PAK5: variants seen among roughly 807,000 people sequenced by gnomAD.
PAK5 encodes p21 (RAC1) activated kinase 5.
A neutral mutation model predicts 65.9 loss-of-function variants in PAK5; 16 were observed. The observed-to-expected ratio is 0.24, with a 90% CI of 0.16 to 0.37. The LOEUF (loss-of-function observed/expected upper bound fraction) is 0.37, where lower values mean the gene tolerates loss of function less well. Among genes scored for constraint, PAK5 ranks in the 10% least tolerant of loss-of-function variants. PAK5 has a pLI of 1.00. For missense variants in PAK5, 785 were observed against 903.9 expected (o/e 0.87, Z 1.69); for synonymous variants, 371 against 354.9 (o/e 1.05, Z -0.51).
chr20:9,584,436 C>T (rs752818861), intron 3 of PAK5, among the ~76,000 whole-genome samples: 1 of 152,212 alleles, frequency 6.6e-6, no homozygotes, highest in Non-Finnish European at 1.5e-5. Context: ...CCTCAGCCTC[C>T]CCAGTAGCTG....
chr20:9,611,912 C>T (rs6056753), intron 3 of PAK5, among the ~76,000 whole-genome samples: 97,115 of 151,982 alleles, frequency 0.64, 32,959 homozygotes, highest in African/African-American at 0.88. Flanking sequence ...TTCCTTCATG[C>T]AATTACTAGT....
intron 1 of PAK5, among the ~76,000 whole-genome samples, chr20:9,732,845 G>C (rs2123558630): frequency 1.3e-5 from 2 of 152,296 alleles, no homozygotes; most frequent in South Asian, 4.1e-4. Flanking sequence ...TCTAAGATTT[G>C]TAATTCTCCC....
chr20:9,800,552 G>A (rs1316783050), intron 1 of PAK5, among the ~76,000 whole-genome samples: 2 of 152,042 alleles, frequency 1.3e-5, no homozygotes, highest in Non-Finnish European at 2.9e-5. Flanking sequence ...AATATTACCA[G>A]TAAGTAGAAA....
chr20:9,735,372 G>A (rs2048377253), intron 1 of PAK5, among the ~76,000 whole-genome samples: 1 of 152,158 alleles, frequency 6.6e-6, no homozygotes, highest in Non-Finnish European at 1.5e-5. Context: ...GTATTCGACT[G>A]AGTAGTGATC....
At chr20:9,811,211 T>C (rs1204453006) in intron 1 of PAK5, among the ~76,000 whole-genome samples, 1 of 152,138 alleles carries the variant, frequency 6.6e-6, no homozygotes, top group East Asian at 1.9e-4. Context: ...CCCCAAAATA[T>C]GATCAAATTT....
At chr20:9,691,044 G>A (rs933360380) in intron 2 of PAK5, among the ~76,000 whole-genome samples, 1 of 151,934 alleles carries the variant, frequency 6.6e-6, no homozygotes, top group Non-Finnish European at 1.5e-5. Context: ...TGTGAGCCAT[G>A]GTACCCAGCC....
chr20:9,601,529 G>T (rs932793748), intron 3 of PAK5, among the ~76,000 whole-genome samples: 1 of 152,242 alleles, frequency 6.6e-6, no homozygotes, highest in East Asian at 1.9e-4. Flanking sequence ...CATTGACTGA[G>T]GTTCCATAGC....
In PAK5 at chr20:9,827,076, A is replaced by G. The variant is rs983200848; in HGVS notation, c.-162+11686T>C. Among the ~76,000 whole-genome samples, 10 of 152,170 alleles carry G rather than the reference A, an allele frequency of 6.6e-5. 1 individual carries two copies. The highest frequency in any genetic ancestry group is 6.5e-4 in the Admixed American group (10 of 15,276). On this transcript the variant is annotated intron_variant, in intron 1 of 9. Transcript: ENST00000353224. Reference sequence around the variant, plus strand: ...TTTCTTTCTCCAACCAGAAACAGGTAGAGGGTTTAATCTTTCTCTCTACCT... The same window carrying G: ...TTTCTTTCTCCAACCAGAAACAGGTGGAGGGTTTAATCTTTCTCTCTACCT...
intron 1 of PAK5, among the ~76,000 whole-genome samples, chr20:9,724,859 A>T (rs1169244560): frequency 6.6e-6 from 1 of 152,118 alleles, no homozygotes; most frequent in Non-Finnish European, 1.5e-5. Flanking sequence ...TTATAGTAAA[A>T]AAAAATTTTA....
chr20:9,578,415 T>C (rs563300049), intron 4 of PAK5, among the ~76,000 whole-genome samples: 1 of 152,318 alleles, frequency 6.6e-6, no homozygotes, highest in African/African-American at 2.4e-5. Context: ...ATTTGGACTA[T>C]AGACATGTGT....
rs375434466 is a variant in PAK5, at chr20:9,565,873, G to A, written c.1482+20C>T. The A allele has an allele frequency of 1.8e-5, 28 of 1,588,672 alleles. No individual in the cohort carries two copies. The highest frequency in any genetic ancestry group is 4.1e-5 in the African/African-American group (3 of 73,938). ...AAATGTTACAAAGGAGAGAAAGGAT[G>A]ACCCAAACACACTCTTTACCTCATT... On this transcript the variant is annotated intron_variant, in intron 5 of 9. Transcript: ENST00000353224.
chr20:9,564,969 A>C (rs1056408873), intron 5 of PAK5, among the ~76,000 whole-genome samples: 1 of 151,672 alleles, frequency 6.6e-6, no homozygotes, highest in Non-Finnish European at 1.5e-5. Context: ...ACATTAGGTG[A>C]AATTTAGAAA....
chr20:9,637,822 T>C (rs147739644), intron 3 of PAK5, among the ~76,000 whole-genome samples: 37 of 152,278 alleles, frequency 2.4e-4, no homozygotes, highest in African/African-American at 8.7e-4. Context: ...ATGAAGCAAA[T>C]ATTAAGATAT....
intron 1 of PAK5, among the ~76,000 whole-genome samples, chr20:9,808,165 G>T (rs2049255724): frequency 6.6e-6 from 1 of 152,088 alleles, no homozygotes; most frequent in Admixed American, 6.6e-5. Flanking sequence ...GAAACACAAT[G>T]ATAAGCAAAG....
intron 1 of PAK5, among the ~76,000 whole-genome samples, chr20:9,816,361 G>A (rs1487188189): frequency 1.4e-4 from 21 of 152,146 alleles, no homozygotes; most frequent in Admixed American, 1.2e-3. Context: ...ATCATGTGTC[G>A]ACTTGACTGG....
chr20:9,738,325 C>T (rs1165720224), intron 1 of PAK5, among the ~76,000 whole-genome samples: 1 of 151,880 alleles, frequency 6.6e-6, no homozygotes, highest in Non-Finnish European at 1.5e-5. Flanking sequence ...GTATTTACAC[C>T]AGAGAAATAA....
chr20:9,797,727 A>G (rs1196363259), intron 1 of PAK5, among the ~76,000 whole-genome samples: 1 of 147,946 alleles, frequency 6.8e-6, no homozygotes, highest in Non-Finnish European at 1.5e-5. Flanking sequence ...GAAGGAGAGG[A>G]GATGAACTGA....
intron 3 of PAK5, among the ~76,000 whole-genome samples, chr20:9,599,003 C>T (rs1254924666): frequency 6.6e-6 from 1 of 152,104 alleles, no homozygotes; most frequent in African/African-American, 2.4e-5. Flanking sequence ...CACGTAGAAA[C>T]TTTGTACCCA....
intron 1 of PAK5, among the ~76,000 whole-genome samples, chr20:9,817,801 C>T (rs988134022): frequency 2.0e-5 from 3 of 152,228 alleles, no homozygotes; most frequent in Admixed American, 6.5e-5. Context: ...ACATAAACTG[C>T]CTTTGCACAC....
Sources: allele counts gnomAD v4.1 joint callset (sites outside exome capture counted in the v4.1 genomes callset), GRCh38; gene constraint gnomAD v4.1.1; transcripts MANE v1.5; gene names NCBI Gene and HGNC (gene_info 2026-07-23, HGNC 2026-07-21).